Variants in BRWD1 observed in about 807,000 individuals in gnomAD.
BRWD1 encodes bromodomain and WD repeat-containing protein 1.
BRWD1 carries 82 observed loss-of-function variants against 251.2 expected under a neutral mutation model. The observed-to-expected ratio is 0.33, with a 90% CI of 0.27 to 0.39. The LOEUF is 0.39. Among genes scored for constraint, BRWD1 ranks in the 10% least tolerant of loss-of-function variants. The pLI is 1.00. For missense variants in BRWD1, 2,233 were observed against 2,711.6 expected (o/e 0.82, Z 3.92); for synonymous variants, 918 against 902.8 (o/e 1.02, Z -0.30).
In BRWD1 at chr21:39,293,794, C is replaced by T; in HGVS notation, c.831+17G>A. ...GAAAATACATATAGGAATGTGCCCACTAAGCTACAAGTTTACCTGTAAAGA... is the reference window on the plus strand; with the variant it reads ...GAAAATACATATAGGAATGTGCCCATTAAGCTACAAGTTTACCTGTAAAGA... On this transcript the variant is annotated intron_variant, in intron 8 of 40. Transcript: ENST00000342449. 1 of 1,603,844 alleles carries T rather than the reference C, an allele frequency of 6.2e-7. No individual in the cohort carries two copies. Among genetic ancestry groups the T allele is most frequent in the Admixed American group, 1.7e-5 (1 of 59,880 alleles).
intron 8 of BRWD1, among the ~76,000 whole-genome samples, chr21:39,292,785 A>G (rs2035853479): frequency 6.6e-6 from 1 of 152,200 alleles, no homozygotes. Flanking sequence ...TGAAATTTAT[A>G]TTTTAAGTTT....
At position 39,258,534 on chromosome 21, in the gene BRWD1, T is replaced by A. The variant is rs770703855; in HGVS notation, c.2024A>T (p.Asp675Val). Residue 675 changes from aspartate (D) to valine (V), a missense_variant, in exon 18 of 41, where the codon GAT becomes GTT. This residue lies in a region of BRWD1 where 73 missense variants were observed against 68.1 expected (regional missense o/e 1.07). Coordinates refer to ENST00000342449, the MANE Select transcript of BRWD1 (RefSeq NM_033656.4). ...QQDQRMGADQ[D>V]TIPRGLSNGE... The stretch of plus-strand genomic sequence containing the variant: ...ATTTGAAAGTCCTCTTGGAATAGTA[T>A]CCTGATCTGCTCCCATTCTCTGATC... 5 of 1,612,736 alleles carry A rather than the reference T, an allele frequency of 3.1e-6. No individual in the cohort carries two copies. The South Asian group carries it at 3.3e-5, about 11-fold the overall frequency.
intron 26 of BRWD1, among the ~76,000 whole-genome samples, chr21:39,228,986 G>A (rs909111832): frequency 6.6e-6 from 1 of 152,146 alleles, no homozygotes; most frequent in Non-Finnish European, 1.5e-5. Context: ...GACAGCACAG[G>A]TGTAGGAAAT....
chr21:39,298,674 T>C, intron 4 of BRWD1, 92 bp from the exon 5 acceptor site: 1 of 1,036,332 alleles, frequency 9.6e-7, no homozygotes, highest in South Asian at 2.4e-5. Context: ...GTGAAAAACA[T>C]ACACTGAAAA....
intron 21 of BRWD1, among the ~76,000 whole-genome samples, chr21:39,246,907 C>A (rs1308362754): frequency 6.6e-6 from 1 of 152,104 alleles, no homozygotes; most frequent in Non-Finnish European, 1.5e-5. Flanking sequence ...ATGGTGAAAA[C>A]CCCTTCTCTA....
intron 4 of BRWD1, among the ~76,000 whole-genome samples, chr21:39,302,017 C>G (rs927667931): frequency 8.0e-6 from 1 of 125,252 alleles, no homozygotes; most frequent in Admixed American, 9.8e-5. Context: ...CAGTCTTGCT[C>G]CGTGGTCCAG....
intron 5 of BRWD1, 82 bp downstream of exon 5, chr21:39,298,350 C>T (rs1418660480): frequency 7.1e-7 from 1 of 1,408,684 alleles, no homozygotes; most frequent in African/African-American, 1.5e-5. Context: ...CACCTTTCTT[C>T]CACAATGCTT....
At chr21:39,263,330 C>T (rs1316769795) in intron 17 of BRWD1, among the ~76,000 whole-genome samples, 1 of 152,034 alleles carries the variant, frequency 6.6e-6, no homozygotes, top group Admixed American at 6.6e-5. Flanking sequence ...AGAAACACTG[C>T]CCTGCTATTA....
chr21:39,307,793 C>T (rs1314785311), intron 4 of BRWD1, among the ~76,000 whole-genome samples: 1 of 152,186 alleles, frequency 6.6e-6, no homozygotes, highest in Admixed American at 6.6e-5. Flanking sequence ...ATCCCATTAT[C>T]ATTTAATTTT....
At chr21:39,309,686 G>A (rs554531528) in intron 4 of BRWD1, among the ~76,000 whole-genome samples, 23 of 152,170 alleles carry the variant, frequency 1.5e-4, no homozygotes, top group Non-Finnish European at 2.6e-4. Flanking sequence ...TTAGCCGGGC[G>A]TGGTGGCGGA....
At chr21:39,312,461 A>G in intron 4 of BRWD1, 1 of 181,482 alleles carries the variant, frequency 5.5e-6, no homozygotes, top group Non-Finnish European at 1.2e-5. Context: ...GGGCAAGAGC[A>G]GCGAGGCCAA....
chr21:39,251,852 A>G (rs1211069946), intron 19 of BRWD1, among the ~76,000 whole-genome samples: 1 of 152,224 alleles, frequency 6.6e-6, no homozygotes, highest in Non-Finnish European at 1.5e-5. Context: ...TTGATTCTCA[A>G]TCAATAAAAC....
Position 39,264,600 on chromosome 21 carries a change from T to C in BRWD1, c.1745A>G (p.Gln582Arg). The C allele has an allele frequency of 6.2e-7, 1 of 1,613,508 alleles. No individual in the cohort carries two copies. Among genetic ancestry groups the C allele is most frequent in the South Asian group, 1.1e-5 (1 of 90,980 alleles). The change falls in exon 17 of 41, where the codon CAG becomes CGG. Residue 582 changes from glutamine (Q) to arginine (R), a missense_variant. By Grantham distance (43) the Gln-to-Arg change is conservative (BLOSUM62 1). This residue lies in a region of BRWD1 where 315 missense variants were observed against 421.8 expected (regional missense o/e 0.75). Coordinates refer to ENST00000342449, the MANE Select transcript of BRWD1 (RefSeq NM_033656.4). ...TGGTGGAGGCATAAGATGAGGAGCC[T>C]GCTGAGTTTGCTCATCTAAGACATA... ...NNYVLDEQTQ[Q>R]APHLMPPPFL...
chr21:39,298,587 T>G lies in BRWD1; in HGVS notation c.199-5A>C, dbSNP rs1394012837. ...CACATGCTTATTGGACAAGACCTAGTTGGAGAGCAAGTTTTAATGACAACA... is the reference window on the plus strand; with the variant it reads ...CACATGCTTATTGGACAAGACCTAGGTGGAGAGCAAGTTTTAATGACAACA... On this transcript the variant is annotated splice_region_variant and splice_polypyrimidine_tract_variant and intron_variant, in intron 4 of 40. Coordinates refer to ENST00000342449, the MANE Select transcript of BRWD1 (RefSeq NM_033656.4). 3 of 1,576,692 alleles carry G rather than the reference T, an allele frequency of 1.9e-6. No homozygotes were observed. The highest frequency in any genetic ancestry group is 2.6e-6 in the Non-Finnish European group (3 of 1,165,984).
chr21:39,241,666 G>GT (rs1408280075), intron 21 of BRWD1, among the ~76,000 whole-genome samples: 1 of 151,990 alleles, frequency 6.6e-6, no homozygotes, highest in Non-Finnish European at 1.5e-5. Flanking sequence ...CATATAATAT[G>GT]TATACACAGG....
intron 32 of BRWD1, among the ~76,000 whole-genome samples, chr21:39,214,060 G>GT (rs146332384): frequency 1.3e-5 from 2 of 152,134 alleles, no homozygotes; most frequent in African/African-American, 4.8e-5. Flanking sequence ...TAATTTTCCT[G>GT]AAGTAAGAAC....
chr21:39,267,699 A>T lies in BRWD1; in HGVS notation c.1530+2200T>A, dbSNP rs559094948. On this transcript the variant is annotated intron_variant, in intron 15 of 40. Transcript: ENST00000342449. ...CATATAAAGCCTTAACAGTGCTAAA[A>T]CCCTTTTACACAATAATTCCTTCAG... is the stretch of plus-strand genomic sequence containing the variant. Among the ~76,000 whole-genome samples the T allele has an allele frequency of 2.0e-5, 3 of 152,304 alleles. No individual in the cohort carries two copies. The South Asian group carries it at 6.2e-4, about 32-fold the overall frequency.
chr21:39,270,084 GA>G (rs770793222), intron 14 of BRWD1, 51 bp from the exon 15 acceptor site: 1 of 1,439,784 alleles, frequency 6.9e-7, no homozygotes, highest in East Asian at 2.5e-5. Flanking sequence ...GTTACAAATT[GA>G]AAATTTAAAA....
At chr21:39,291,500 C>T (rs886985920) in intron 8 of BRWD1, among the ~76,000 whole-genome samples, 2 of 152,160 alleles carry the variant, frequency 1.3e-5, no homozygotes. Context: ...CATGTTTTTC[C>T]ATATGTGACC....
Sources: allele counts gnomAD v4.1 joint callset (sites outside exome capture counted in the v4.1 genomes callset), GRCh38; gene constraint gnomAD v4.1.1; regional missense constraint gnomAD v4.1.1; transcripts MANE v1.5; gene names NCBI Gene and HGNC (gene_info 2026-07-23, HGNC 2026-07-21).